Variants in MED14 observed in about 807,000 individuals in gnomAD.
MED14 encodes mediator complex subunit 14.
In MED14, 8 loss-of-function variants were observed where a neutral mutation model predicts 109.0. The ratio of observed to expected loss-of-function variants is 0.07; its 90% CI spans 0.04 to 0.13. The LOEUF is 0.13. Ranked by LOEUF, MED14 falls within the 10% of genes least tolerant of loss-of-function variation. The pLI is 1.00. For synonymous variants in MED14, 399 were observed against 408.7 expected (o/e 0.98, Z 0.29); for missense variants, 711 against 1,142.4 (o/e 0.62, Z 5.44).
intron 4 of MED14, among the ~76,000 whole-genome samples, chrX:40,714,211 C>T (rs1931435266): frequency 8.9e-6 from 1 of 111,745 alleles, no homozygotes; most frequent in South Asian, 3.7e-4. Context: ...GGCACCAAGT[C>T]AGTAAACTAC....
chrX:40,712,509 C>T (rs1295070748), intron 6 of MED14, among the ~76,000 whole-genome samples: 1 of 111,530 alleles, frequency 9.0e-6, no homozygotes, highest in African/African-American at 3.3e-5. Flanking sequence ...GGATAAATTG[C>T]TGCATGCATT....
chrX:40,660,040 A>C (rs1929204476), intron 26 of MED14, among the ~76,000 whole-genome samples: 1 of 112,404 alleles, frequency 8.9e-6, no homozygotes, highest in African/African-American at 3.2e-5. Flanking sequence ...GTAAAAAATG[A>C]GACAACCTGG....
intron 28 of MED14, among the ~76,000 whole-genome samples, chrX:40,655,586 T>C (rs1929026858): frequency 8.9e-6 from 1 of 112,350 alleles, no homozygotes. Flanking sequence ...ACTGTGCCAA[T>C]CTAGACTTCC....
At position 40,671,977 on chromosome X, in the gene MED14, AAAG is replaced by A. The variant is rs767310070; in HGVS notation, c.3022-8_3022-6del. 5.2e-6 allele frequency: 6 copies of A among 1,160,239 alleles called. No individual in the cohort carries two copies. In the South Asian group the frequency reaches 1.1e-4, roughly 22 times the overall value. ...TCCTGGCTGCTTTGGAAATGGCTGA[AAAG>A]AAGAAAATTAAATGTTGGTAAAATG... On this transcript the variant is annotated splice_polypyrimidine_tract_variant and splice_region_variant and intron_variant, in intron 22 of 30. Coordinates refer to ENST00000324817, the MANE Select transcript of MED14 (RefSeq NM_004229.4).
chrX:40,655,102 T>G (rs1929009660), intron 28 of MED14, 42 bp from the exon 29 acceptor site: 1 of 1,151,686 alleles, frequency 8.7e-7, no homozygotes, highest in African/African-American at 1.8e-5. Context: ...CATATAAACA[T>G]TTAAAATCAT....
chrX:40,732,223 CAAG>C (rs1932099207), intron 1 of MED14, among the ~76,000 whole-genome samples: 2 of 112,592 alleles, frequency 1.8e-5, no homozygotes, highest in Non-Finnish European at 3.8e-5. Flanking sequence ...CAAGAAACAT[CAAG>C]AAGGTTTGGA....
In MED14 at chrX:40,659,607, G is replaced by A. The variant is rs1250041293; in HGVS notation, c.3685C>T (p.Leu1229=). ...GGTTCATTAGAATTTATCAGCTGCA[G>A]CTACAAAACAAGGACACATCAAATT... ...HLQRIIQQET[L]QLINSNEPGV... is the part of the protein sequence containing the mutation. The change falls in exon 27 of 31, where the codon CTG becomes TTG. Residue 1229 remains leucine, a splice_region_variant and synonymous_variant. Coordinates refer to ENST00000324817, the MANE Select transcript of MED14 (RefSeq NM_004229.4). 1 of 1,191,188 alleles carries A rather than the reference G, an allele frequency of 8.4e-7. No individual in the cohort carries two copies. The highest frequency in any genetic ancestry group is 1.9e-5 in the South Asian group (1 of 53,635).
chrX:40,711,789 CTT>C (rs747072035), intron 7 of MED14, among the ~76,000 whole-genome samples: 7 of 97,163 alleles, frequency 7.2e-5, no homozygotes, highest in Non-Finnish European at 8.4e-5. Flanking sequence ...CACCAGGCTT[CTT>C]TTTTTTTTTT....
chrX:40,664,651 A>T (rs924439968), intron 24 of MED14, among the ~76,000 whole-genome samples, 162 bp from the exon 25 acceptor site: 6 of 112,027 alleles, frequency 5.4e-5, no homozygotes, highest in African/African-American at 1.9e-4. Context: ...CTGAATCTCT[A>T]TTTTGTGTAA....
intron 28 of MED14, among the ~76,000 whole-genome samples, chrX:40,656,956 C>T (rs905851516): frequency 2.4e-4 from 27 of 110,439 alleles, no homozygotes; most frequent in African/African-American, 7.6e-4. Flanking sequence ...GGTGTGATCT[C>T]GGCTCACTGC....
chrX:40,729,686 G>A, intron 1 of MED14: 1 of 193,212 alleles, frequency 5.2e-6, no homozygotes, highest in Admixed American at 7.1e-5. Flanking sequence ...GGTCACAGAT[G>A]CAGAAGAACT....
At chrX:40,710,268 T>C (rs763756374) in intron 8 of MED14, 139 bp from the exon 9 acceptor site, 76 of 373,687 alleles carry the variant, frequency 2.0e-4, no homozygotes, top group Non-Finnish European at 2.9e-4. Flanking sequence ...GGAATAATAA[T>C]GGGAAGATAG....
intron 22 of MED14, among the ~76,000 whole-genome samples, chrX:40,673,636 C>T (rs910487871): frequency 3.6e-5 from 4 of 110,288 alleles, no homozygotes; most frequent in Non-Finnish European, 7.6e-5. Flanking sequence ...TACCTGAGGT[C>T]GGGAGTTCGA....
chrX:40,663,952 G>A (rs1353886592), intron 25 of MED14, among the ~76,000 whole-genome samples: 1 of 111,288 alleles, frequency 9.0e-6, no homozygotes, highest in Non-Finnish European at 1.9e-5. Flanking sequence ...CTTCAGGAAG[G>A]GGGCTGATCA....
chrX:40,666,028 T>C (rs1929465981), intron 24 of MED14, among the ~76,000 whole-genome samples: 1 of 112,168 alleles, frequency 8.9e-6, no homozygotes, highest in Non-Finnish European at 1.9e-5. Flanking sequence ...AAATCCCAGA[T>C]GCTACACAGC....
In MED14 at chrX:40,651,794, A is replaced by C. The variant is rs768291685; in HGVS notation, c.*12T>G. 3.4e-6 allele frequency: 4 copies of C among 1,174,551 alleles called. No homozygotes were observed. The highest frequency in any genetic ancestry group is 4.5e-6 in the Non-Finnish European group (4 of 881,171). On this transcript the variant is annotated 3_prime_UTR_variant, in exon 31 of 31. Transcript: ENST00000324817. ...TCATCTGTCAGCCTTCCTGGTTTAA[A>C]AACAATAGTGTCTATGGACGCCCAC... is the stretch of plus-strand genomic sequence containing the variant.
rs1258529196 is a variant in MED14 at position 40,654,571 on chromosome X, C to T, written c.4099-15G>A. 1 of 1,196,654 alleles carries T rather than the reference C, an allele frequency of 8.4e-7. No individual in the cohort carries two copies. The highest frequency in any genetic ancestry group is 1.1e-6 in the Non-Finnish European group (1 of 882,514). ...GTTAGTTGAAGCTGTATACACACAA[C>T]ACACACAAAGAGAATAAAAACATCA... On this transcript the variant is annotated splice_polypyrimidine_tract_variant and intron_variant, in intron 29 of 30. Transcript: ENST00000324817.
chrX:40,688,333 C>T (rs1488992386), intron 16 of MED14, 121 bp downstream of exon 16: 2 of 487,176 alleles, frequency 4.1e-6, no homozygotes, highest in South Asian at 3.5e-5. Flanking sequence ...TAACTCTATG[C>T]AGAAATCCAC....
At chrX:40,720,036 C>T (rs183202935) in intron 3 of MED14, among the ~76,000 whole-genome samples, 1 of 111,858 alleles carries the variant, frequency 8.9e-6, no homozygotes, top group African/African-American at 3.2e-5. Flanking sequence ...AACAATCCCT[C>T]TAATTCTCAT....
Sources: gnomAD v4.1 joint callset for allele counts (sites outside exome capture counted in the v4.1 genomes callset) on GRCh38, gnomAD v4.1.1 for gene constraint, MANE v1.5 for transcripts, NCBI Gene and HGNC (gene_info 2026-07-23, HGNC 2026-07-21) for gene names.